The following PPP2R2C variants were observed in gnomAD, a reference collection of about 807,000 sequenced individuals.
PPP2R2C encodes protein phosphatase 2 regulatory subunit Bgamma.
In PPP2R2C, 10 loss-of-function variants were observed where a neutral mutation model predicts 45.3. That is an observed-to-expected ratio of 0.22 (90% confidence interval 0.14 to 0.37). PPP2R2C has a LOEUF of 0.37. PPP2R2C is among the 10% of genes least tolerant of loss of function. PPP2R2C has a pLI of 1.00. For synonymous variants in PPP2R2C, 257 were observed against 245.4 expected (o/e 1.05, Z -0.44); for missense variants, 308 against 619.7 (o/e 0.50, Z 5.34).
chr4:6,449,172 G>A (rs1720600286), intron 1 of PPP2R2C, among the ~76,000 whole-genome samples: 1 of 152,198 alleles, frequency 6.6e-6, no homozygotes. Flanking sequence ...GCCCACTCGT[G>A]GGATTTACCT....
intron 2 of PPP2R2C, among the ~76,000 whole-genome samples, chr4:6,495,468 G>A (rs1461559981): frequency 1.3e-5 from 2 of 152,324 alleles, no homozygotes; most frequent in Admixed American, 6.5e-5. Flanking sequence ...GACAGCTGCC[G>A]GATCCCACCT....
At chr4:6,562,473 G>C (rs1002829461) in intron 1 of PPP2R2C, among the ~76,000 whole-genome samples, 1 of 149,240 alleles carries the variant, frequency 6.7e-6, no homozygotes, top group African/African-American at 2.5e-5. Flanking sequence ...GGAGTCGGGG[G>C]GGGGGGTTGG....
intron 1 of PPP2R2C, among the ~76,000 whole-genome samples, chr4:6,404,788 C>A (rs577363582): frequency 2.0e-5 from 3 of 152,180 alleles, no homozygotes; most frequent in Non-Finnish European, 4.4e-5. Context: ...TCAGGGCACC[C>A]GCAAATGGCA....
At position 6,330,175 on chromosome 4, in the gene PPP2R2C, G is replaced by A. The variant is rs1732293650; in HGVS notation, c.961-822C>T. Among the ~76,000 whole-genome samples the A allele has an allele frequency of 2.0e-5, 3 of 152,138 alleles. No individual in the cohort carries two copies. The South Asian group carries it at 6.2e-4, about 32-fold the overall frequency. On this transcript the variant is annotated intron_variant, in intron 7 of 8. Transcript: ENST00000382599. The surrounding 1 kb of genome is among the most constrained non-coding windows in gnomAD (Gnocchi z 7.0). ...GACTGCAGCCGGTCCTACAAGCCCT[G>A]TACCCGGAGGGCCGCATGAGTGCCA...
intron 1 of PPP2R2C, among the ~76,000 whole-genome samples, chr4:6,385,039 G>A (rs907567199): frequency 6.6e-6 from 1 of 152,146 alleles, no homozygotes; most frequent in Admixed American, 6.5e-5. Context: ...AAGAGAAGAC[G>A]AGGACTCCAG....
At chr4:6,487,677 G>A (rs1452941628) in intron 2 of PPP2R2C, among the ~76,000 whole-genome samples, 4 of 151,890 alleles carry the variant, frequency 2.6e-5, no homozygotes, top group East Asian at 1.9e-4. Flanking sequence ...TAATTATAAT[G>A]TGCCTTAGTG....
intron 2 of PPP2R2C, among the ~76,000 whole-genome samples, chr4:6,509,252 C>G (rs770790731): frequency 6.6e-6 from 1 of 152,124 alleles, no homozygotes; most frequent in Non-Finnish European, 1.5e-5. Flanking sequence ...AGCTTGAAAA[C>G]AAAGGAGGAA....
chr4:6,563,664 A>C (rs1725656897), upstream of PPP2R2C: 1 of 133,416 alleles, frequency 7.5e-6, no homozygotes, highest in African/African-American at 2.7e-5. This position sits in a 1 kb window ranked among gnomAD's most constrained non-coding sequence, Gnocchi z 5.8. Context: ...GTCAGCTGGC[A>C]AAACAGCAAG....
intron 2 of PPP2R2C, among the ~76,000 whole-genome samples, chr4:6,532,148 T>C (rs1237801503): frequency 6.6e-6 from 1 of 152,138 alleles, no homozygotes; most frequent in East Asian, 1.9e-4. Context: ...AACACCAACT[T>C]GTCCTCTCTA....
chr4:6,338,447 C>T (rs113461186), intron 6 of PPP2R2C, among the ~76,000 whole-genome samples: 25 of 152,322 alleles, frequency 1.6e-4, no homozygotes, highest in African/African-American at 5.8e-4. Context: ...GGGAGCCCAA[C>T]CAAGGTGTGG....
At chr4:6,359,564 A>T (rs949742509) in intron 5 of PPP2R2C, among the ~76,000 whole-genome samples, 2 of 151,838 alleles carry the variant, frequency 1.3e-5, no homozygotes, top group African/African-American at 4.8e-5. Context: ...AGTTAAATAC[A>T]TTTTATTATT....
At chr4:6,373,900 C>CAT (rs1715084040) in intron 4 of PPP2R2C, among the ~76,000 whole-genome samples, 1 of 123,798 alleles carries the variant, frequency 8.1e-6, no homozygotes, top group South Asian at 2.8e-4. Flanking sequence ...TATGTGCATG[C>CAT]ATGTGTGTGT....
chr4:6,469,349 C>T (rs1721744039), intron 1 of PPP2R2C, among the ~76,000 whole-genome samples: 1 of 152,136 alleles, frequency 6.6e-6, no homozygotes, highest in African/African-American at 2.4e-5. Flanking sequence ...ATGGCCTGCT[C>T]AAGGAACAGG....
chr4:6,416,910 TG>T (rs1246838746), intron 1 of PPP2R2C, among the ~76,000 whole-genome samples: 1 of 152,008 alleles, frequency 6.6e-6, no homozygotes, highest in East Asian at 1.9e-4. Flanking sequence ...GCTGGAGTAT[TG>T]GGGAGGGAGA....
chr4:6,484,950 C>T (rs548323642), intron 2 of PPP2R2C, among the ~76,000 whole-genome samples: 12 of 151,708 alleles, frequency 7.9e-5, no homozygotes, highest in Non-Finnish European at 1.8e-4. Context: ...GCTATAACGT[C>T]GAGAAGAATG....
intron 2 of PPP2R2C, among the ~76,000 whole-genome samples, chr4:6,481,621 G>A (rs1305959660): frequency 2.6e-5 from 4 of 152,244 alleles, no homozygotes; most frequent in East Asian, 1.9e-4. Context: ...CATCAAAATT[G>A]TCTTGGTTAT....
At chr4:6,370,428 C>T (rs552567203) in intron 5 of PPP2R2C, among the ~76,000 whole-genome samples, 3 of 152,294 alleles carry the variant, frequency 2.0e-5, no homozygotes, top group Admixed American at 6.5e-5. Context: ...GCTAGGAGAC[C>T]GCCCCTCCCC....
chr4:6,399,840 G>A (rs1447888792), intron 1 of PPP2R2C, among the ~76,000 whole-genome samples: 8 of 152,226 alleles, frequency 5.3e-5, no homozygotes, highest in South Asian at 2.1e-4. Context: ...AATGCAGAAC[G>A]TCCAGTCCAG....
intron 5 of PPP2R2C, among the ~76,000 whole-genome samples, chr4:6,366,336 G>A (rs1176141319): frequency 6.6e-6 from 1 of 152,200 alleles, no homozygotes; most frequent in African/African-American, 2.4e-5. Context: ...AGGGTCTGGG[G>A]TCTCTGATTC....
Sources: gnomAD v4.1 joint callset for allele counts (sites outside exome capture counted in the v4.1 genomes callset) on GRCh38, gnomAD v4.1.1 for gene constraint, Gnocchi (gnomAD v3.1) non-coding constraint, MANE v1.5 for transcripts, NCBI Gene and HGNC (gene_info 2026-07-23, HGNC 2026-07-21) for gene names.